Variants in C1orf21 observed in about 807,000 individuals in gnomAD.
The protein encoded by C1orf21 is uncharacterized protein C1orf21.
In C1orf21, 3 loss-of-function variants were observed where a neutral mutation model predicts 18.7. That is an observed-to-expected ratio of 0.16 (90% CI 0.07 to 0.42). The LOEUF (loss-of-function observed/expected upper bound fraction) is 0.42. C1orf21 is among the 10% of genes least tolerant of loss of function. The probability of loss-of-function intolerance (pLI) is 0.99; values close to 1 mark genes in which losing one functional copy is unlikely to be tolerated. For missense variants in C1orf21, 104 were observed against 143.6 expected, an observed-to-expected ratio of 0.72 and a Z score of 1.41; for synonymous variants, 41 against 46.4, an observed-to-expected ratio of 0.88 and a Z score of 0.47.
intron 1 of C1orf21, among the ~76,000 whole-genome samples, chr1:184,443,552 G>A (rs1296305976): frequency 6.6e-6 from 1 of 152,116 alleles, no homozygotes; most frequent in Non-Finnish European, 1.5e-5. Flanking sequence ...TTTAAACATA[G>A]TACCTGTAAA....
chr1:184,471,558 T>C (rs192348353), intron 1 of C1orf21, among the ~76,000 whole-genome samples: 140 of 152,246 alleles, frequency 9.2e-4, no homozygotes, highest in Admixed American at 1.5e-3. Flanking sequence ...CCAGCCGTGG[T>C]CCTGAGGCAG....
intron 3 of C1orf21, among the ~76,000 whole-genome samples, chr1:184,587,524 TTG>T (rs3034486): frequency 0.037 from 5,205 of 139,530 alleles, 101 homozygotes; most frequent in South Asian, 0.063. Context: ...TTCCTAGGAA[TTG>T]TGTGTGTGTG....
chr1:184,566,990 C>A, intron 3 of C1orf21: 1 of 527,270 alleles, frequency 1.9e-6, no homozygotes. Flanking sequence ...AGATGGCAAT[C>A]CAAAGACTGT....
intron 1 of C1orf21, among the ~76,000 whole-genome samples, chr1:184,389,720 C>T (rs1655941639): frequency 6.6e-6 from 1 of 152,182 alleles, no homozygotes; most frequent in African/African-American, 2.4e-5. Flanking sequence ...GAGTGGCTTG[C>T]TCCAGGCTCT....
At chr1:184,514,899 C>T (rs906751119) in intron 3 of C1orf21, among the ~76,000 whole-genome samples, 1 of 152,122 alleles carries the variant, frequency 6.6e-6, no homozygotes, top group Non-Finnish European at 1.5e-5. Context: ...AAAACAGCAA[C>T]ACTGTATTTT....
At chr1:184,484,452 A>G (rs1439192494) in intron 2 of C1orf21, among the ~76,000 whole-genome samples, 1 of 152,188 alleles carries the variant, frequency 6.6e-6, no homozygotes, top group African/African-American at 2.4e-5. Flanking sequence ...GCCATCCCAG[A>G]ATACTTTTTG....
rs1458895932 is a variant in C1orf21 at position 184,626,079 on chromosome 1, C to T, written c.*6523C>T. 1 of 152,152 alleles carries T rather than the reference C, an allele frequency of 6.6e-6. No individual in the cohort carries two copies. The highest frequency in any genetic ancestry group is 1.5e-5 in the Non-Finnish European group (1 of 68,032). The allele number at this position is 152,152 out of a possible 1,614,324, so 9.4% of individuals were successfully genotyped here. A position where few individuals can be genotyped will look rare whatever the true frequency, so the allele number is the denominator to read the frequency against. On this transcript the variant is annotated 3_prime_UTR_variant, in exon 6 of 6. Coordinates refer to ENST00000235307, the MANE Select transcript of C1orf21 (RefSeq NM_030806.4). ...TATAGCATTTTTAGCATTGCCTTTC[C>T]AGTCTTGATGATTCATTCATTGAAC...
At chr1:184,448,198 C>T (rs1260016187) in intron 1 of C1orf21, among the ~76,000 whole-genome samples, 1 of 152,174 alleles carries the variant, frequency 6.6e-6, no homozygotes, top group African/African-American at 2.4e-5. Flanking sequence ...GTTCTCCTAC[C>T]TCAGCCTCCC....
chr1:184,557,033 A>G (rs986135211), intron 3 of C1orf21, among the ~76,000 whole-genome samples: 1 of 152,142 alleles, frequency 6.6e-6, no homozygotes, highest in African/African-American at 2.4e-5. Context: ...CTCATTGACA[A>G]ACATTCTGTC....
rs142046791 is a variant in C1orf21 at position 184,565,760 on chromosome 1, T to C, written c.190-24979T>C. Among the ~76,000 whole-genome samples, 595 of 152,376 alleles carry C rather than the reference T, an allele frequency of 3.9e-3. 1 individual carries two copies. The highest frequency in any genetic ancestry group is 6.1e-3 in the Non-Finnish European group (416 of 68,036). On this transcript the variant is annotated intron_variant, in intron 3 of 5. Coordinates refer to ENST00000235307, the MANE Select transcript of C1orf21 (RefSeq NM_030806.4). ...AATTACACATTATTAAAGTCCTGCA[T>C]ATTAAACCTTTACAGGATCTGTAGT...
intron 3 of C1orf21, among the ~76,000 whole-genome samples, chr1:184,527,925 A>G (rs760963191): frequency 7.9e-5 from 12 of 152,222 alleles, no homozygotes; most frequent in Non-Finnish European, 1.6e-4. Context: ...TATCCCATGG[A>G]CATTGGAAAG....
Position 184,502,937 on chromosome 1 carries a change from G to T in C1orf21, c.95-4651G>T, listed in dbSNP as rs532834869. On this transcript the variant is annotated intron_variant, in intron 2 of 5. Transcript: ENST00000235307. ...TACAAAAAATACAAAAATTAGGCAG[G>T]CATGATGGTGTGCACCTGTGGTCCC... Among the ~76,000 whole-genome samples the T allele has an allele frequency of 2.6e-3, 396 of 151,926 alleles. 1 individual carries two copies. The highest frequency in any genetic ancestry group is 9.1e-3 in the African/African-American group (377 of 41,414).
chr1:184,427,223 T>C (rs1571352680), intron 1 of C1orf21, among the ~76,000 whole-genome samples: 1 of 152,198 alleles, frequency 6.6e-6, no homozygotes, highest in Non-Finnish European at 1.5e-5. Flanking sequence ...AGTGAATCCT[T>C]GTTAGTGCCT....
intron 1 of C1orf21, among the ~76,000 whole-genome samples, chr1:184,460,845 G>GT (rs1657297963): frequency 6.6e-6 from 1 of 151,552 alleles, no homozygotes; most frequent in Non-Finnish European, 1.5e-5. Flanking sequence ...CAGAGCCAAT[G>GT]TGTGTGAAAG....
At chr1:184,523,968 A>G (rs1293061329) in intron 3 of C1orf21, among the ~76,000 whole-genome samples, 1 of 152,160 alleles carries the variant, frequency 6.6e-6, no homozygotes, top group African/African-American at 2.4e-5. Flanking sequence ...TCTTACGTCA[A>G]CTTGTCTTCC....
intron 1 of C1orf21, among the ~76,000 whole-genome samples, chr1:184,424,689 T>G (rs1375137625): frequency 1.3e-5 from 2 of 152,156 alleles, no homozygotes; most frequent in African/African-American, 4.8e-5. Flanking sequence ...GGGTTTAGTA[T>G]GCTAATACTA....
chr1:184,525,802 A>G (rs546080784), intron 3 of C1orf21, among the ~76,000 whole-genome samples: 1 of 152,194 alleles, frequency 6.6e-6, no homozygotes, highest in African/African-American at 2.4e-5. Context: ...CTGCCAGATC[A>G]AAAGCCTGTT....
At position 184,394,504 on chromosome 1, in the gene C1orf21, C is replaced by G. The variant is rs193213998; in HGVS notation, c.-125+7136C>G. On this transcript the variant is annotated intron_variant, in intron 1 of 5. Transcript: ENST00000235307. Reference sequence around the variant, plus strand: ...CTCTCAACAAACCATGACATGCATGCATATCATAGCCATTCCTAAAAGCTT... The same window carrying G: ...CTCTCAACAAACCATGACATGCATGGATATCATAGCCATTCCTAAAAGCTT... Among the ~76,000 whole-genome samples, 15 of 152,294 alleles carry G rather than the reference C, an allele frequency of 9.8e-5. No homozygotes were observed. In the East Asian group the frequency reaches 2.9e-3, roughly 29 times the overall value.
chr1:184,541,265 C>T (rs986465824), intron 3 of C1orf21, among the ~76,000 whole-genome samples: 11 of 152,142 alleles, frequency 7.2e-5, no homozygotes, highest in Non-Finnish European at 1.6e-4. Flanking sequence ...ACTTTTTTCA[C>T]ACACAGCCAG....
Sources: allele counts gnomAD v4.1 joint callset (sites outside exome capture counted in the v4.1 genomes callset), GRCh38; gene constraint gnomAD v4.1.1; transcripts MANE v1.5; gene names NCBI Gene and HGNC (gene_info 2026-07-23, HGNC 2026-07-21).